RICTOR: variants seen among roughly 807,000 people sequenced by gnomAD.
RICTOR encodes the protein rapamycin-insensitive companion of mTOR.
RICTOR carries 49 observed loss-of-function variants against 214.9 expected under a neutral mutation model. The ratio of observed to expected loss-of-function variants is 0.23; its 90% CI spans 0.18 to 0.29. RICTOR has a LOEUF of 0.29. Among genes scored for constraint, RICTOR ranks in the 10% least tolerant of loss-of-function variants. The pLI is 1.00. For synonymous variants in RICTOR, 717 were observed against 711.3 expected, an observed-to-expected ratio of 1.01 and a Z score of -0.13; for missense variants, 1,625 against 2,047.0, an observed-to-expected ratio of 0.79 and a Z score of 3.98.
rs1753575135 is a variant in RICTOR, at chr5:39,001,002, A to T, written c.392+1533T>A. Among the ~76,000 whole-genome samples the T allele has an allele frequency of 2.0e-5, 3 of 152,218 alleles. 1 individual carries two copies. The South Asian group carries it at 6.2e-4, about 32-fold the overall frequency. On this transcript the variant is annotated intron_variant, in intron 5 of 37. Transcript: ENST00000357387. ...GTTTCCAATAAATAAATGTTTAGAAAATTCAGTATGAAGATGTAAATTCAC... is the reference window on the plus strand; with the variant it reads ...GTTTCCAATAAATAAATGTTTAGAATATTCAGTATGAAGATGTAAATTCAC...
At chr5:38,968,648 G>C (rs1041700777) in intron 11 of RICTOR, among the ~76,000 whole-genome samples, 1 of 151,618 alleles carries the variant, frequency 6.6e-6, no homozygotes. Flanking sequence ...TGGGGCAAGA[G>C]GATCACTTGA....
chr5:39,014,010 T>C lies in RICTOR; in HGVS notation c.195+7029A>G, dbSNP rs76147206. Among the ~76,000 whole-genome samples, 1,058 of 152,282 alleles carry C rather than the reference T, an allele frequency of 6.9e-3. 53 individuals are homozygous for C. The East Asian group carries it at 0.12, about 18-fold the overall frequency. ...ATTTTTACTGTATCTTTTCTATGTT[T>C]AGACACTTACCATTGTGTTAAAACT... On this transcript the variant is annotated intron_variant, in intron 3 of 37. Coordinates refer to ENST00000357387, the MANE Select transcript of RICTOR (RefSeq NM_152756.5).
chr5:38,950,428 A>G lies in RICTOR; in HGVS notation c.3420T>C (p.Asp1140=). 6.2e-7 allele frequency: 1 copy of G among 1,613,534 alleles called. No homozygotes were observed. Among genetic ancestry groups the G allele is most frequent in the Non-Finnish European group, 8.5e-7 (1 of 1,179,628 alleles). Residue 1140 remains aspartate (D), a synonymous_variant, in exon 31 of 38, where the codon GAT becomes GAC. Transcript: ENST00000357387. The part of the protein sequence containing the change: ...RIRTLTEPSV[D]FNHSDDFTPI... Reference sequence around the variant, plus strand: ...GTGTAAAATCATCACTATGATTAAAATCAACACTGGGCTCCGTAAGTGTTC... The same window carrying G: ...GTGTAAAATCATCACTATGATTAAAGTCAACACTGGGCTCCGTAAGTGTTC...
At chr5:38,943,077 T>C in intron 36 of RICTOR, 106 bp from the exon 37 acceptor site, 2 of 698,762 alleles carry the variant, frequency 2.9e-6, no homozygotes, top group Non-Finnish European at 2.4e-6. Flanking sequence ...AGATATGGAT[T>C]AGATGGCATA....
rs1256631759 is a variant in RICTOR, at chr5:38,991,069, T to C, written c.463A>G (p.Thr155Ala). 6.3e-7 allele frequency: 1 copy of C among 1,588,496 alleles called. No individual in the cohort carries two copies. Among genetic ancestry groups the C allele is most frequent in the East Asian group, 2.3e-5 (1 of 43,588 alleles). The change falls in exon 7 of 38, where the codon ACT becomes GCT. Residue 155 changes from threonine to alanine, a missense_variant. Thr to Ala is a moderately conservative substitution (Grantham distance 58). Transcript: ENST00000357387. ...QALRLVRKMI[T>A]VNASLFPSSV... ...CTAGGAAACAAGGAAGCATTCACAG[T>C]AATCATCTGTAACAGAAGGAATCAG...
At chr5:39,012,635 TAA>T (rs1754624927) in intron 3 of RICTOR, among the ~76,000 whole-genome samples, 1 of 152,226 alleles carries the variant, frequency 6.6e-6, no homozygotes, top group Non-Finnish European at 1.5e-5. Context: ...TGTATTAATG[TAA>T]GTCATTAAAA....
At chr5:39,034,387 A>G (rs1756501454) in intron 2 of RICTOR, among the ~76,000 whole-genome samples, 1 of 152,228 alleles carries the variant, frequency 6.6e-6, no homozygotes, top group Admixed American at 6.5e-5. Flanking sequence ...TCCCAGCATG[A>G]GCAATGCAGA....
In RICTOR at chr5:38,993,500, A is replaced by G. The variant is rs148312057; in HGVS notation, c.457-2425T>C. ...AAATCAGAGACATGGAAAAGAAAAA[A>G]GCAGACAGAACATTTCCAAATGAAT... On this transcript the variant is annotated intron_variant, in intron 6 of 37. Transcript: ENST00000357387. 4.7e-3 allele frequency among the ~76,000 whole-genome samples: 718 copies of G among 152,240 alleles called. 11 individuals carry two copies. Among genetic ancestry groups the G allele is most frequent in the African/African-American group, 0.017 (692 of 41,552 alleles).
intron 2 of RICTOR, among the ~76,000 whole-genome samples, chr5:39,048,010 C>T (rs534807133): frequency 1.3e-5 from 2 of 152,260 alleles, no homozygotes; most frequent in African/African-American, 2.4e-5. Context: ...TTAACCACAA[C>T]GAAGAATTTT....
At chr5:38,964,149 CAA>C (rs1324375592) in intron 16 of RICTOR, among the ~76,000 whole-genome samples, 1 of 151,760 alleles carries the variant, frequency 6.6e-6, no homozygotes, top group Non-Finnish European at 1.5e-5. Flanking sequence ...AAAACAACCA[CAA>C]AAAGACATTC....
At chr5:39,014,479 A>T (rs1412867527) in intron 3 of RICTOR, among the ~76,000 whole-genome samples, 6 of 152,112 alleles carry the variant, frequency 3.9e-5, no homozygotes, top group Non-Finnish European at 8.8e-5. Flanking sequence ...GTACCATTTT[A>T]ATTTTTTTTA....
chr5:39,003,477 T>C, intron 4 of RICTOR, 81 bp downstream of exon 4: 2 of 899,254 alleles, frequency 2.2e-6, no homozygotes, highest in South Asian at 2.9e-5. Flanking sequence ...TGCTGTATTA[T>C]TCTATTTCTA....
intron 2 of RICTOR, among the ~76,000 whole-genome samples, chr5:39,061,058 T>C (rs1345264604): frequency 2.6e-5 from 4 of 152,086 alleles, no homozygotes; most frequent in African/African-American, 2.4e-5. Flanking sequence ...ATTCAAAATA[T>C]GGCAGCTGCT....
At chr5:38,996,906 T>G in intron 5 of RICTOR, 24 bp from the exon 6 acceptor site, 1 of 1,553,358 alleles carries the variant, frequency 6.4e-7, no homozygotes, top group African/African-American at 1.4e-5. Context: ...AAAATATTAA[T>G]CATTGATAAA....
At position 39,007,115 on chromosome 5, in the gene RICTOR, T is replaced by C. The variant is rs74782581; in HGVS notation, c.196-3493A>G. 3.9e-3 allele frequency among the ~76,000 whole-genome samples: 588 copies of C among 152,228 alleles called. 3 individuals are homozygous for C. The highest frequency in any genetic ancestry group is 0.014 in the African/African-American group (562 of 41,542). On this transcript the variant is annotated intron_variant, in intron 3 of 37. Transcript: ENST00000357387. The stretch of plus-strand genomic sequence containing the variant: ...AAAGTGACAATGTGTTAGTAAAAAA[T>C]ATTTGCAACAAATATGGTAAGAAAA...
chr5:39,026,322 C>G (rs1693473245), intron 2 of RICTOR, among the ~76,000 whole-genome samples: 1 of 151,902 alleles, frequency 6.6e-6, no homozygotes, highest in Admixed American at 6.6e-5. Flanking sequence ...CCAGCTTGGG[C>G]AACAGACAGT....
At chr5:39,027,566 A>C (rs1195436840) in intron 2 of RICTOR, among the ~76,000 whole-genome samples, 2 of 152,182 alleles carry the variant, frequency 1.3e-5, no homozygotes, top group Admixed American at 6.5e-5. Context: ...TATAGTATTC[A>C]CCAGAGTATT....
At chr5:39,063,345 T>A (rs1332950528) in intron 2 of RICTOR, among the ~76,000 whole-genome samples, 1 of 152,136 alleles carries the variant, frequency 6.6e-6, no homozygotes, top group African/African-American at 2.4e-5. Flanking sequence ...GTTAAGGGAT[T>A]TATATCCAGG....
chr5:39,034,802 A>G (rs1756547497), intron 2 of RICTOR, among the ~76,000 whole-genome samples: 1 of 152,260 alleles, frequency 6.6e-6, no homozygotes, highest in South Asian at 2.1e-4. Context: ...TTGAGGAGGT[A>G]AACAAAGCAG....
Sources: gnomAD v4.1 joint callset for allele counts (sites outside exome capture counted in the v4.1 genomes callset) on GRCh38, gnomAD v4.1.1 for gene constraint, MANE v1.5 for transcripts, NCBI Gene and HGNC (gene_info 2026-07-23, HGNC 2026-07-21) for gene names.